CD2BP2: variants seen among roughly 807,000 people sequenced by gnomAD.
The protein encoded by CD2BP2 is CD2 antigen cytoplasmic tail-binding protein 2.
CD2BP2 carries 27 observed loss-of-function variants against 35.9 expected under a neutral mutation model. That is an observed-to-expected ratio of 0.75 (90% confidence interval 0.55 to 1.04). The LOEUF (loss-of-function observed/expected upper bound fraction) is 1.04. Ranked by LOEUF, CD2BP2 falls within the 50% of genes least tolerant of loss-of-function variation. CD2BP2 has a pLI of 0.00. For synonymous variants in CD2BP2, 213 were observed against 173.5 expected (o/e 1.23, Z -1.79); for missense variants, 497 against 444.3 (o/e 1.12, Z -1.07).
At chr16:30,353,347 T>C in intron 5 of CD2BP2, 21 bp downstream of exon 5, 1 of 1,613,512 alleles carries the variant, frequency 6.2e-7, no homozygotes, top group Non-Finnish European at 8.5e-7. Context: ...CACTGCCCCC[T>C]CCTCTGTCCT....
rs756773281 is a variant in CD2BP2, at chr16:30,353,011, G to T, written c.1000C>A (p.Arg334Ser). 2 of 1,613,530 alleles carry T rather than the reference G, an allele frequency of 1.2e-6. No homozygotes were observed. Among genetic ancestry groups the T allele is most frequent in the Non-Finnish European group, 1.7e-6 (2 of 1,179,464 alleles). Residue 334 changes from arginine (R) to serine (S), a missense_variant, in exon 7 of 7, where the codon CGC (arginine) becomes AGC (serine). Physicochemically the swap from Arg to Ser is moderately radical, Grantham distance 110. Transcript: ENST00000305596. ...PPGGQFYNSKRIDFDLYT is the reference protein window; with the variant it reads ...PPGGQFYNSKSIDFDLYT ...CAGGTGTAGAGGTCAAAGTCAATGC[G>T]TTTGGAGTTGTAGAACTGACCACCA...
Position 30,353,620 on chromosome 16 carries a change from C to T in CD2BP2, c.556G>A (p.Gly186Arg), listed in dbSNP as rs1316239150. 6.2e-7 allele frequency: 1 copy of T among 1,613,866 alleles called. No homozygotes were observed. The highest frequency in any genetic ancestry group is 1.1e-5 in the South Asian group (1 of 91,074). Residue 186 changes from glycine to arginine, a missense_variant, in exon 5 of 7, where the codon GGG becomes AGG. Transcript: ENST00000305596. ...RRLGARGGGKGRKGPGQPSSP... is the reference protein window; with the variant it reads ...RRLGARGGGKRRKGPGQPSSP... ...CTGGGTTGCCCAGGCCCCTTTCTCCCTTTGCCTCCTCCTCGGGCCCCCAGA... is the reference window on the plus strand; with the variant it reads ...CTGGGTTGCCCAGGCCCCTTTCTCCTTTTGCCTCCTCCTCGGGCCCCCAGA...
chr16:30,354,564 G>A lies in CD2BP2; in HGVS notation c.78+40C>T, dbSNP rs746012163. Reference sequence around the variant, plus strand: ...AGCTTTCTTCCTCTTCAGGCTTCTAGCTCCTCTTTCCCCCACACAAAGCAG... The same window carrying A: ...AGCTTTCTTCCTCTTCAGGCTTCTAACTCCTCTTTCCCCCACACAAAGCAG... On this transcript the variant is annotated intron_variant, in intron 2 of 6. Coordinates refer to ENST00000305596, the MANE Select transcript of CD2BP2 (RefSeq NM_006110.3). The A allele has an allele frequency of 1.3e-5, 21 of 1,592,700 alleles. No homozygotes were observed. The South Asian group carries it at 1.5e-4, about 12-fold the overall frequency.
chr16:30,354,902 C>A, intron 1 of CD2BP2, 195 bp from the exon 2 acceptor site: 1 of 565,154 alleles, frequency 1.8e-6, no homozygotes. Context: ...TTAAACGGGG[C>A]GGGGACGGAG....
rs774093805 is a variant in CD2BP2, at chr16:30,353,731, G to A, written c.445C>T (p.Gln149Ter). 2 of 1,611,758 alleles carry A rather than the reference G, an allele frequency of 1.2e-6. No individual in the cohort carries two copies. The highest frequency in any genetic ancestry group is 4.5e-5 in the East Asian group (2 of 44,854). ...AGGGCTTGGGCACTCATTGAGGTCTGGCCCAAGCTGTCCTCCTCCTCCGAG... is the reference window on the plus strand; with the variant it reads ...AGGGCTTGGGCACTCATTGAGGTCTAGCCCAAGCTGTCCTCCTCCTCCGAG... ...SDSEEEDSLG[Q>*]TSMSAQALLE... Residue 149 changes from glutamine to a stop codon, truncating the protein, a stop_gained, in exon 5 of 7, where the codon CAG becomes TAG. Coordinates refer to ENST00000305596, the MANE Select transcript of CD2BP2 (RefSeq NM_006110.3). LOFTEE classifies it high-confidence loss of function.
rs770436100 is a variant in CD2BP2 at position 30,354,228 on chromosome 16, C to CCAT, written c.170_172dup (p.Asp57dup). 59 of 1,613,948 alleles carry CCAT rather than the reference C, an allele frequency of 3.7e-5. No homozygotes were observed. The highest frequency in any genetic ancestry group is 2.9e-4 in the South Asian group (26 of 91,086). On this transcript the variant is annotated inframe_insertion, in exon 3 of 7. Coordinates refer to ENST00000305596, the MANE Select transcript of CD2BP2 (RefSeq NM_006110.3). ...CAAGATGTCATATTTGCTGGACCCCCCATCATCATCATCCTCCTCCTCATC... is the reference window on the plus strand; with the variant it reads ...CAAGATGTCATATTTGCTGGACCCCCCATCATCATCATCATCCTCCTCCTCATC...
In CD2BP2 at chr16:30,353,424, A is replaced by T. The variant is rs2049501578; in HGVS notation, c.752T>A (p.Phe251Tyr). Residue 251 changes from phenylalanine to tyrosine, a missense_variant, in exon 5 of 7, where the codon TTC (phenylalanine) becomes TAC (tyrosine). Phe to Tyr is a conservative substitution (Grantham distance 22, BLOSUM62 3). Coordinates refer to ENST00000305596, the MANE Select transcript of CD2BP2 (RefSeq NM_006110.3). ...TTCCTCCTCCGCCAACTCCTCAGCG[A>T]ACATGTCCAGGGAGGGTGGGGGTGT... ...NPTPPPSLDMFAEELAEEELE... is the reference protein window; with the variant it reads ...NPTPPPSLDMYAEELAEEELE... 2 of 1,613,968 alleles carry T rather than the reference A, an allele frequency of 1.2e-6. No individual in the cohort carries two copies. The highest frequency in any genetic ancestry group is 1.7e-6 in the Non-Finnish European group (2 of 1,180,012).
rs1479423667 is a variant in CD2BP2, at chr16:30,354,065, C to T, written c.218-7G>A. ...AGTGTGGCTGCCTCCTGACCTGCAC[C>T]AAAGACACAGGTGCCCTTTTCCAGG... is the stretch of plus-strand genomic sequence containing the variant. On this transcript the variant is annotated splice_region_variant and splice_polypyrimidine_tract_variant and intron_variant, in intron 3 of 6. Coordinates refer to ENST00000305596, the MANE Select transcript of CD2BP2 (RefSeq NM_006110.3). 6.2e-7 allele frequency: 1 copy of T among 1,613,822 alleles called. No individual in the cohort carries two copies. Among genetic ancestry groups the T allele is most frequent in the Non-Finnish European group, 8.5e-7 (1 of 1,179,940 alleles).
chr16:30,354,790 C>T (rs565407988), intron 1 of CD2BP2, 83 bp from the exon 2 acceptor site: 3 of 985,870 alleles, frequency 3.0e-6, no homozygotes, highest in East Asian at 2.4e-5. Context: ...TTTTCCTGGT[C>T]TGTGACAGGT....
chr16:30,354,196 C>T lies in CD2BP2; in HGVS notation c.205G>A (p.Glu69Lys). 6.2e-7 allele frequency: 1 copy of T among 1,614,158 alleles called. No individual in the cohort carries two copies. The highest frequency in any genetic ancestry group is 8.5e-7 in the Non-Finnish European group (1 of 1,180,006). ...GSSKYDILAS[E>K]DVEGQEAATL... ...GGGTACAGCTTACCTTCTACATCCTCTGAGGCCAAGATGTCATATTTGCTG... is the reference window on the plus strand; with the variant it reads ...GGGTACAGCTTACCTTCTACATCCTTTGAGGCCAAGATGTCATATTTGCTG... The change falls in exon 3 of 7, where the codon GAG becomes AAG. Residue 69 changes from glutamate to lysine, a missense_variant. Glu to Lys is a moderately conservative substitution (Grantham distance 56). Transcript: ENST00000305596.
At position 30,353,929 on chromosome 16, in the gene CD2BP2, C is replaced by G. The variant is rs145419184; in HGVS notation, c.347G>C (p.Arg116Pro). The change falls in exon 4 of 7, where the codon CGA (arginine) becomes CCA (proline). Residue 116 changes from arginine (R) to proline (P), a missense_variant. Coordinates refer to ENST00000305596, the MANE Select transcript of CD2BP2 (RefSeq NM_006110.3). The part of the protein sequence containing the change: ...NYFLNRDAQI[R>P]DSWLDNIDWV... ...GTCAATGTTGTCCAGCCAGCTGTCT[C>G]GGATCTGAGCATCCCGGTTCAGGAA... 65 of 1,614,030 alleles carry G rather than the reference C, an allele frequency of 4.0e-5. No homozygotes were observed. Among genetic ancestry groups the G allele is most frequent in the Non-Finnish European group, 5.4e-5 (64 of 1,180,030 alleles).
At chr16:30,353,344 C>G in intron 5 of CD2BP2, 24 bp downstream of exon 5, 1 of 1,613,652 alleles carries the variant, frequency 6.2e-7, no homozygotes, top group Non-Finnish European at 8.5e-7. Context: ...ACCCACTGCC[C>G]CCTCCTCTGT....
chr16:30,353,913 G>T lies in CD2BP2; in HGVS notation c.363C>A (p.Asp121Glu). ...RDAQIRDSWLDNIDWVKIRER... is the reference protein window; with the variant it reads ...RDAQIRDSWLENIDWVKIRER... ...CCCTGGGCCGCACCCAGTCAATGTTGTCCAGCCAGCTGTCTCGGATCTGAG... is the reference window on the plus strand; with the variant it reads ...CCCTGGGCCGCACCCAGTCAATGTTTTCCAGCCAGCTGTCTCGGATCTGAG... The change falls in exon 4 of 7, where the codon GAC becomes GAA. Residue 121 changes from aspartate (D) to glutamate (E), a missense_variant. Physicochemically the swap from Asp to Glu is conservative, Grantham distance 45. Coordinates refer to ENST00000305596, the MANE Select transcript of CD2BP2 (RefSeq NM_006110.3). 6.2e-7 allele frequency: 1 copy of T among 1,614,002 alleles called. No individual in the cohort carries two copies. Among genetic ancestry groups the T allele is most frequent in the Non-Finnish European group, 8.5e-7 (1 of 1,179,986 alleles).
intron 1 of CD2BP2, 149 bp from the exon 2 acceptor site, chr16:30,354,856 A>T (rs929295123): frequency 7.6e-6 from 5 of 660,712 alleles, no homozygotes; most frequent in Non-Finnish European, 1.4e-5. Flanking sequence ...GCTGGCAGCC[A>T]GGAGGCCTCC....
rs1009903768 is a variant in CD2BP2 at position 30,352,676 on chromosome 16, G to A, written c.*309C>T. On this transcript the variant is annotated 3_prime_UTR_variant, in exon 7 of 7. Coordinates refer to ENST00000305596, the MANE Select transcript of CD2BP2 (RefSeq NM_006110.3). ...ACCTGGGAGAGGAGCACAGAGCAGC[G>A]CAGTTGGGGGTGTTTACACGGCAAG... 7 of 393,952 alleles carry A rather than the reference G, an allele frequency of 1.8e-5. No homozygotes were observed. The highest frequency in any genetic ancestry group is 5.2e-5 in the East Asian group (1 of 19,336). 24.4% of individuals were successfully genotyped at this position (393,952 alleles called of 1,614,324 possible).
chr16:30,354,923 T>C (rs1422751586), intron 1 of CD2BP2: 4 of 520,926 alleles, frequency 7.7e-6, no homozygotes, highest in Non-Finnish European at 1.4e-5. Context: ...GAGCGGACCC[T>C]CTGGATCCCC....
At position 30,351,410 on chromosome 16, in the gene CD2BP2, G is replaced by A. The variant is rs1328029958; in HGVS notation, c.*1575C>T. On this transcript the variant is annotated 3_prime_UTR_variant, in exon 7 of 7. Coordinates refer to ENST00000305596, the MANE Select transcript of CD2BP2 (RefSeq NM_006110.3). ...CTGCTTTCCACTTCCGGACCTTTCT[G>A]AAATCAAGACGCATCTTTAGATCAA... 1 of 152,252 alleles carries A rather than the reference G, an allele frequency of 6.6e-6. No individual in the cohort carries two copies. Among genetic ancestry groups the A allele is most frequent in the African/African-American group, 2.4e-5 (1 of 41,444 alleles). 9.4% of individuals were successfully genotyped at this position (152,252 alleles called of 1,614,324 possible).
At position 30,353,426 on chromosome 16, in the gene CD2BP2, C is replaced by T; in HGVS notation, c.750G>A (p.Met250Ile). ...HNPTPPPSLD[M>I]FAEELAEEEL... ...CCTCCTCCGCCAACTCCTCAGCGAA[C>T]ATGTCCAGGGAGGGTGGGGGTGTGG... The change falls in exon 5 of 7, where the codon ATG (methionine) becomes ATA (isoleucine). Residue 250 changes from methionine (M) to isoleucine (I), a missense_variant. Coordinates refer to ENST00000305596, the MANE Select transcript of CD2BP2 (RefSeq NM_006110.3). 6.2e-7 allele frequency: 1 copy of T among 1,614,134 alleles called. No homozygotes were observed. Among genetic ancestry groups the T allele is most frequent in the Non-Finnish European group, 8.5e-7 (1 of 1,180,022 alleles).
At chr16:30,354,784 C>G (rs1485724830) in intron 1 of CD2BP2, 77 bp from the exon 2 acceptor site, 1 of 1,040,076 alleles carries the variant, frequency 9.6e-7, no homozygotes, top group Non-Finnish European at 1.5e-6. Context: ...AAACATTTTT[C>G]CTGGTCTGTG....
Sources: allele counts gnomAD v4.1 joint callset, GRCh38; gene constraint gnomAD v4.1.1; transcripts MANE v1.5; gene names NCBI Gene and HGNC (gene_info 2026-07-23, HGNC 2026-07-21).